EPB41L2: variants seen among roughly 807,000 people sequenced by gnomAD.
EPB41L2 encodes erythrocyte membrane protein band 4.1 like 2, also known as band 4.1-like protein 2.
In EPB41L2, 43 loss-of-function variants were observed where a neutral mutation model predicts 113.0. The ratio of observed to expected loss-of-function variants is 0.38; its 90% CI spans 0.30 to 0.49. The LOEUF (loss-of-function observed/expected upper bound fraction) is 0.49, where lower values mean the gene tolerates loss of function less well. Ranked by LOEUF, EPB41L2 falls within the 20% of genes least tolerant of loss-of-function variation. The pLI, the probability that EPB41L2 is intolerant of heterozygous loss-of-function variation, is 0.95. For synonymous variants in EPB41L2, 442 were observed against 436.7 expected, an observed-to-expected ratio of 1.01 and a Z score of -0.15; for missense variants, 1,147 against 1,223.4, an observed-to-expected ratio of 0.94 and a Z score of 0.93.
At chr6:131,031,613 G>C (rs924346190) in intron 1 of EPB41L2, among the ~76,000 whole-genome samples, 1 of 152,000 alleles carries the variant, frequency 6.6e-6, no homozygotes, top group African/African-American at 2.4e-5. Context: ...ACACAAAAAA[G>C]AAAATAACTT....
chr6:130,905,255 A>C (rs973372134), intron 5 of EPB41L2, among the ~76,000 whole-genome samples: 7 of 152,158 alleles, frequency 4.6e-5, no homozygotes, highest in Admixed American at 4.6e-4. Context: ...TGCTATTTTG[A>C]TAGATCATGT....
At chr6:131,015,617 A>C (rs929545547) in intron 1 of EPB41L2, among the ~76,000 whole-genome samples, 1 of 152,232 alleles carries the variant, frequency 6.6e-6, no homozygotes, top group Non-Finnish European at 1.5e-5. Context: ...TCACCCTATT[A>C]GAACACTCAT....
At chr6:130,896,401 C>T (rs1035161764) in intron 8 of EPB41L2, among the ~76,000 whole-genome samples, 1 of 152,226 alleles carries the variant, frequency 6.6e-6, no homozygotes, top group African/African-American at 2.4e-5. Flanking sequence ...AACTTGGCAC[C>T]AGACCCCATG....
chr6:130,971,074 T>G (rs774681723), intron 1 of EPB41L2, among the ~76,000 whole-genome samples: 7 of 152,066 alleles, frequency 4.6e-5, no homozygotes, highest in Non-Finnish European at 8.8e-5. Flanking sequence ...TTTACGTTTT[T>G]GTAGAGATAG....
chr6:131,051,804 A>G (rs1215337829), intron 1 of EPB41L2, among the ~76,000 whole-genome samples: 1 of 152,232 alleles, frequency 6.6e-6, no homozygotes, highest in Admixed American at 6.5e-5. Context: ...AAGAGCAACC[A>G]AACTGAGAGT....
intron 1 of EPB41L2, among the ~76,000 whole-genome samples, chr6:131,020,512 C>A (rs958183965): frequency 3.9e-5 from 6 of 152,240 alleles, no homozygotes; most frequent in African/African-American, 1.4e-4. Context: ...CCTCTATCTA[C>A]TGCTTCCACA....
At chr6:130,873,654 C>T (rs749464225) in intron 14 of EPB41L2, among the ~76,000 whole-genome samples, 50 of 152,142 alleles carry the variant, frequency 3.3e-4, no homozygotes, top group Admixed American at 4.6e-4. Context: ...TTAGTAGAGA[C>T]GGGGTTTTGC....
chr6:130,870,147 G>A (rs1369927247), intron 14 of EPB41L2, 21 bp from the exon 15 acceptor site: 1 of 1,574,728 alleles, frequency 6.4e-7, no homozygotes, highest in African/African-American at 1.4e-5. Flanking sequence ...AAAGATGGAT[G>A]AGGGAAAACA....
intron 3 of EPB41L2, among the ~76,000 whole-genome samples, chr6:130,951,312 CTTTTT>C (rs34082234): frequency 4.9e-3 from 251 of 50,806 alleles, no homozygotes; most frequent in African/African-American, 0.03. Context: ...AGCCTCAGTA[CTTTTT>C]TTTTTTTTTT....
rs140934104 is a variant in EPB41L2, at chr6:130,917,327, T to A, written c.811-8464A>T. On this transcript the variant is annotated intron_variant, in intron 4 of 19. Transcript: ENST00000337057. The stretch of plus-strand genomic sequence containing the variant: ...CTCTTCCCAATTAGGCTTCAGGTTT[T>A]AGACTTCTGTGTCCATCTACACACC... Among the ~76,000 whole-genome samples the A allele has an allele frequency of 3.9e-3, 592 of 152,078 alleles. 2 individuals carry two copies. Among genetic ancestry groups the A allele is most frequent in the African/African-American group, 0.013 (552 of 41,478 alleles).
At chr6:130,856,853 C>A (rs1780389856) in intron 19 of EPB41L2, among the ~76,000 whole-genome samples, 1 of 152,174 alleles carries the variant, frequency 6.6e-6, no homozygotes, top group Admixed American at 6.5e-5. Context: ...AATGTGTTAA[C>A]TAATCCCCTA....
intron 19 of EPB41L2, among the ~76,000 whole-genome samples, chr6:130,842,026 T>A (rs1219884773): frequency 2.6e-5 from 4 of 152,158 alleles, no homozygotes; most frequent in Non-Finnish European, 5.9e-5. Context: ...TGATAGGTAA[T>A]CACAAAGGAC....
At chr6:130,908,984 T>C (rs563648787) in intron 4 of EPB41L2, 121 bp from the exon 5 acceptor site, 2 of 739,444 alleles carry the variant, frequency 2.7e-6, no homozygotes, top group Non-Finnish European at 4.3e-6. Context: ...TCAAAGCAAC[T>C]TGCACCTATC....
intron 1 of EPB41L2, among the ~76,000 whole-genome samples, chr6:130,996,229 C>T (rs1783066782): frequency 6.6e-6 from 1 of 152,152 alleles, no homozygotes; most frequent in Non-Finnish European, 1.5e-5. Context: ...TTAAAAGACA[C>T]AGATGGAATG....
intron 1 of EPB41L2, among the ~76,000 whole-genome samples, chr6:130,979,432 C>A (rs1036732327): frequency 2.1e-5 from 3 of 145,332 alleles, no homozygotes; most frequent in African/African-American, 7.7e-5. Flanking sequence ...GAGGTGGAGG[C>A]TGCAGTGAGC....
At chr6:131,007,473 G>A (rs1308450193) in intron 1 of EPB41L2, among the ~76,000 whole-genome samples, 1 of 152,114 alleles carries the variant, frequency 6.6e-6, no homozygotes, top group African/African-American at 2.4e-5. Flanking sequence ...CCGGGAGTGG[G>A]GTGCCGCTGT....
chr6:130,849,393 C>A (rs1415929052), intron 19 of EPB41L2, among the ~76,000 whole-genome samples: 2 of 152,294 alleles, frequency 1.3e-5, no homozygotes, highest in East Asian at 3.9e-4. Context: ...TTGCCCCTCT[C>A]CCCACTTTTG....
chr6:130,907,278 A>G (rs1179567654), intron 5 of EPB41L2, among the ~76,000 whole-genome samples: 1 of 152,220 alleles, frequency 6.6e-6, no homozygotes, highest in Admixed American at 6.5e-5. Context: ...TAACAACTGC[A>G]GAAGGGACAA....
chr6:130,957,393 G>T (rs187807722), intron 1 of EPB41L2, among the ~76,000 whole-genome samples: 25 of 152,300 alleles, frequency 1.6e-4, no homozygotes, highest in African/African-American at 6.0e-4. Flanking sequence ...CAACAGGCGG[G>T]GCCTGCGGAG....
Sources: allele counts gnomAD v4.1 joint callset (sites outside exome capture counted in the v4.1 genomes callset), GRCh38; gene constraint gnomAD v4.1.1; transcripts MANE v1.5; gene names NCBI Gene and HGNC (gene_info 2026-07-23, HGNC 2026-07-21).